The following PPP1R9A variants were observed in gnomAD, a reference collection of about 807,000 sequenced individuals.
The protein encoded by PPP1R9A is neurabin-1.
Under a neutral mutation model 141.9 loss-of-function variants are expected in PPP1R9A, and 59 were observed. The observed-to-expected ratio is 0.42, with a 90% confidence interval of 0.34 to 0.52. The LOEUF (loss-of-function observed/expected upper bound fraction) is 0.52, where lower values mean the gene tolerates loss of function less well. PPP1R9A is among the 20% of genes least tolerant of loss of function. The pLI is 0.10. For missense variants in PPP1R9A, 1,444 were observed against 1,611.9 expected (o/e 0.90, Z 1.78); for synonymous variants, 500 against 569.7 (o/e 0.88, Z 1.74).
intron 2 of PPP1R9A, among the ~76,000 whole-genome samples, chr7:94,958,713 A>G (rs1401354789): frequency 6.6e-6 from 1 of 152,038 alleles, no homozygotes; most frequent in African/African-American, 2.4e-5. Flanking sequence ...CTCTCTTGTT[A>G]CATTGATTAT....
chr7:95,258,700 A>G (rs961408419), intron 12 of PPP1R9A, among the ~76,000 whole-genome samples: 1 of 152,190 alleles, frequency 6.6e-6, no homozygotes, highest in Non-Finnish European at 1.5e-5. Context: ...AAAATGGGCA[A>G]AACGCATAAG....
At chr7:95,103,620 G>A (rs1470751046) in intron 2 of PPP1R9A, among the ~76,000 whole-genome samples, 6 of 151,976 alleles carry the variant, frequency 3.9e-5, no homozygotes, top group Non-Finnish European at 8.8e-5. Context: ...CGCCTGCCTC[G>A]GCCTCCCAAA....
chr7:95,073,082 T>A (rs1216606682), intron 2 of PPP1R9A, among the ~76,000 whole-genome samples: 1 of 147,308 alleles, frequency 6.8e-6, no homozygotes, highest in African/African-American at 2.5e-5. Context: ...GCTTCCTGAG[T>A]TCAAGCGATT....
intron 7 of PPP1R9A, among the ~76,000 whole-genome samples, chr7:95,224,876 C>T (rs1214137802): frequency 6.6e-6 from 1 of 152,076 alleles, no homozygotes. Context: ...ATTCCTGTCT[C>T]TGTTTTATGT....
intron 2 of PPP1R9A, among the ~76,000 whole-genome samples, chr7:94,981,872 T>C (rs2520448): frequency 0.61 from 91,889 of 151,756 alleles, 28,829 homozygotes; most frequent in African/African-American, 0.75. Flanking sequence ...CTGTGCACAA[T>C]GTGCAGGTTT....
At chr7:95,238,422 C>T (rs1797002337) in intron 8 of PPP1R9A, among the ~76,000 whole-genome samples, 1 of 152,090 alleles carries the variant, frequency 6.6e-6, no homozygotes, top group African/African-American at 2.4e-5. Context: ...CAGATACAGG[C>T]TTACTCAGGT....
chr7:95,107,432 T>C (rs899726557), intron 2 of PPP1R9A, among the ~76,000 whole-genome samples: 4 of 152,164 alleles, frequency 2.6e-5, no homozygotes, highest in Non-Finnish European at 4.4e-5. Context: ...CCTTTAGAAC[T>C]TCTAGGATCT....
rs567624116 is a variant in PPP1R9A at position 95,096,139 on chromosome 7, AC to A, written c.1396-15118del. On this transcript the variant is annotated intron_variant, in intron 2 of 19. Coordinates refer to ENST00000433360, the MANE Select transcript of PPP1R9A (RefSeq NM_001166160.2). ...CAAGTATGAATTCTCTTTATATGAG[AC>A]CAGAACACTGTGGAAATACAGGATT... Among the ~76,000 whole-genome samples, 27 of 152,322 alleles carry A rather than the reference AC, an allele frequency of 1.8e-4. No homozygotes were observed. In the South Asian group the frequency reaches 5.6e-3, roughly 32 times the overall value.
intron 5 of PPP1R9A, among the ~76,000 whole-genome samples, chr7:95,187,577 C>T (rs571926823): frequency 1.3e-5 from 2 of 152,018 alleles, no homozygotes; most frequent in South Asian, 4.1e-4. Context: ...TTCTCTAGTT[C>T]CTTGAGTTGT....
chr7:95,024,718 G>C (rs540532385), intron 2 of PPP1R9A, among the ~76,000 whole-genome samples: 64 of 152,132 alleles, frequency 4.2e-4, no homozygotes, highest in South Asian at 1.0e-3. Flanking sequence ...GATAGGTTTT[G>C]AGCCTTTATC....
intron 2 of PPP1R9A, among the ~76,000 whole-genome samples, chr7:94,938,423 ATTCAGACATACCTGATGC>A (rs1794994346): frequency 6.6e-6 from 1 of 152,058 alleles, no homozygotes; most frequent in Non-Finnish European, 1.5e-5. Flanking sequence ...ATTTTTTGCC[ATTCAGACATACCTGATGC>A]TTTCAGAAGG....
At chr7:95,198,563 G>GTCTTTTTCCCCCAGGAAGAAAAA in intron 6 of PPP1R9A, 79 bp downstream of exon 6, 1 of 1,395,504 alleles carries the variant, frequency 7.2e-7, no homozygotes, top group South Asian at 1.9e-5. Flanking sequence ...CAGTATGACA[G>GTCTTTTTCCCCCAGGAAGAAAAA]GTTTTATGCA....
chr7:95,056,106 A>G (rs1399397384), intron 2 of PPP1R9A, among the ~76,000 whole-genome samples: 1 of 152,148 alleles, frequency 6.6e-6, no homozygotes, highest in African/African-American at 2.4e-5. Context: ...TATTAGCAAT[A>G]TTAATTTCTC....
rs187112132 is a variant in PPP1R9A, at chr7:95,139,832, A to G, written c.1649+19000A>G. On this transcript the variant is annotated intron_variant, in intron 4 of 19. Coordinates refer to ENST00000433360, the MANE Select transcript of PPP1R9A (RefSeq NM_001166160.2). ...CATTAAAAAAAAAAAAAAAAGAAAA[A>G]AAAAACCCTGAAGCTTTGACTCCCA... 8.6e-3 allele frequency among the ~76,000 whole-genome samples: 1,308 copies of G among 151,836 alleles called. 19 individuals are homozygous for G. Among genetic ancestry groups the G allele is most frequent in the African/African-American group, 0.029 (1,200 of 41,424 alleles).
intron 4 of PPP1R9A, among the ~76,000 whole-genome samples, chr7:95,153,570 A>G (rs578253535): frequency 6.6e-6 from 1 of 152,348 alleles, no homozygotes; most frequent in South Asian, 2.1e-4. Flanking sequence ...ATTTCAGACA[A>G]AATTTTTAAA....
chr7:94,962,516 T>C (rs1797744755), intron 2 of PPP1R9A, among the ~76,000 whole-genome samples: 1 of 151,946 alleles, frequency 6.6e-6, no homozygotes, highest in South Asian at 2.1e-4. Flanking sequence ...TTTAACCTCT[T>C]TCTCATAAAA....
At chr7:94,975,359 T>G (rs1193264556) in intron 2 of PPP1R9A, among the ~76,000 whole-genome samples, 2 of 84,158 alleles carry the variant, frequency 2.4e-5, no homozygotes, top group South Asian at 4.4e-4. Flanking sequence ...TTTTTTTGTT[T>G]TTTTTTTTTT....
At chr7:95,289,062 A>G (rs1805887972) in intron 19 of PPP1R9A, among the ~76,000 whole-genome samples, 1 of 152,108 alleles carries the variant, frequency 6.6e-6, no homozygotes. Context: ...TAGAATTAAG[A>G]CCCAGATCCA....
At chr7:95,267,154 G>A (rs543117489) in intron 12 of PPP1R9A, among the ~76,000 whole-genome samples, 3 of 152,200 alleles carry the variant, frequency 2.0e-5, no homozygotes, top group Admixed American at 2.0e-4. Context: ...TATACTAAGT[G>A]CTAGGTTTCA....
Sources: gnomAD v4.1 joint callset for allele counts (sites outside exome capture counted in the v4.1 genomes callset) on GRCh38, gnomAD v4.1.1 for gene constraint, MANE v1.5 for transcripts, NCBI Gene and HGNC (gene_info 2026-07-23, HGNC 2026-07-21) for gene names.